Variants in PRKCQ observed in about 807,000 individuals in gnomAD.
PRKCQ encodes the protein protein kinase C theta type.
Under a neutral mutation model 91.2 loss-of-function variants are expected in PRKCQ, and 41 were observed. That is an observed-to-expected ratio of 0.45 (90% CI 0.35 to 0.58). The LOEUF (loss-of-function observed/expected upper bound fraction) is 0.58. Ranked by LOEUF, PRKCQ falls within the 20% of genes least tolerant of loss-of-function variation. The pLI is 0.00. For synonymous variants in PRKCQ, 307 were observed against 316.9 expected (o/e 0.97, Z 0.33); for missense variants, 673 against 896.5 (o/e 0.75, Z 3.18).
intron 7 of PRKCQ, among the ~76,000 whole-genome samples, chr10:6,494,831 C>T (rs1837505652): frequency 6.6e-6 from 1 of 152,126 alleles, no homozygotes; most frequent in Non-Finnish European, 1.5e-5. Context: ...GGCCCTTGTC[C>T]CAGAGGAATT....
At chr10:6,534,883 G>C (rs1839521536) in intron 1 of PRKCQ, among the ~76,000 whole-genome samples, 1 of 150,634 alleles carries the variant, frequency 6.6e-6, no homozygotes, top group African/African-American at 2.4e-5. Context: ...TCAGTATACT[G>C]GATATTAGTT....
In PRKCQ at chr10:6,448,401, G is replaced by A. The variant is rs1281094461; in HGVS notation, c.1648-6320C>T. On this transcript the variant is annotated intron_variant, in intron 15 of 17. Coordinates refer to ENST00000263125, the MANE Select transcript of PRKCQ (RefSeq NM_006257.5). ...AGAGGCACAGTGTGGCCTGGCCAGG[G>A]AAGGTAGCACTTAATTTTTTTTTTT... is the stretch of plus-strand genomic sequence containing the variant. Among the ~76,000 whole-genome samples the A allele has an allele frequency of 2.7e-5, 4 of 145,580 alleles. No homozygotes were observed. The Admixed American group carries it at 2.8e-4, about 10-fold the overall frequency.
chr10:6,566,362 T>C (rs990491567), intron 1 of PRKCQ, among the ~76,000 whole-genome samples: 2 of 152,158 alleles, frequency 1.3e-5, no homozygotes, highest in East Asian at 1.9e-4. Flanking sequence ...TTGAAATGTA[T>C]CCACTTCTTT....
Position 6,491,885 on chromosome 10 carries a change from A to G in PRKCQ, c.661-73T>C. 3 of 1,574,362 alleles carry G rather than the reference A, an allele frequency of 1.9e-6. No homozygotes were observed. In the South Asian group the frequency reaches 3.4e-5, roughly 18 times the overall value. On this transcript the variant is annotated intron_variant, in intron 7 of 17. Coordinates refer to ENST00000263125, the MANE Select transcript of PRKCQ (RefSeq NM_006257.5). ...CTTTGGATGTTCTTGCAGATACCTT[A>G]GCATAACTAACAGAGATCATAATGA... is the stretch of plus-strand genomic sequence containing the variant.
intron 1 of PRKCQ, among the ~76,000 whole-genome samples, chr10:6,552,134 T>A (rs891382614): frequency 1.3e-5 from 2 of 152,236 alleles, no homozygotes; most frequent in African/African-American, 4.8e-5. Context: ...AGGAAATGTC[T>A]ACTCAAGTCT....
chr10:6,555,596 G>A (rs1840378955), intron 1 of PRKCQ, among the ~76,000 whole-genome samples: 1 of 152,060 alleles, frequency 6.6e-6, no homozygotes, highest in South Asian at 2.1e-4. Flanking sequence ...GATTTAGAGA[G>A]GTTCAAAGCT....
intron 7 of PRKCQ, among the ~76,000 whole-genome samples, chr10:6,493,882 A>T (rs1406327856): frequency 6.6e-6 from 1 of 152,148 alleles, no homozygotes; most frequent in Non-Finnish European, 1.5e-5. Context: ...GTTAGGAGAA[A>T]TTCTACTCTG....
chr10:6,525,352 C>T (rs1051452911), intron 1 of PRKCQ, among the ~76,000 whole-genome samples: 4 of 152,060 alleles, frequency 2.6e-5, no homozygotes, highest in African/African-American at 9.7e-5. Flanking sequence ...CCAAGACAGG[C>T]GGATCACCTG....
chr10:6,510,941 C>A, intron 3 of PRKCQ, 54 bp downstream of exon 3: 2 of 1,601,600 alleles, frequency 1.2e-6, no homozygotes, highest in South Asian at 2.2e-5. Flanking sequence ...CTGAGCCAGT[C>A]ATCGGCTACC....
In PRKCQ at chr10:6,430,956, AG is replaced by A; in HGVS notation, c.1837-19del. 6.2e-7 allele frequency: 1 copy of A among 1,612,482 alleles called. No homozygotes were observed. Among genetic ancestry groups the A allele is most frequent in the Non-Finnish European group, 8.5e-7 (1 of 1,179,192 alleles). On this transcript the variant is annotated intron_variant, in intron 16 of 17. Transcript: ENST00000263125. The surrounding 1 kb of genome is among the most constrained non-coding windows in gnomAD (Gnocchi z 4.7). The stretch of plus-strand genomic sequence containing the variant: ...ACGAAGAGCTGAAAGGGAGCAGAGC[AG>A]GAGCCCTGAGGTCTCCAGGGATGAC...
chr10:6,494,966 T>G (rs1423696561), intron 7 of PRKCQ, among the ~76,000 whole-genome samples: 1 of 152,200 alleles, frequency 6.6e-6, no homozygotes, highest in Non-Finnish European at 1.5e-5. Flanking sequence ...GTGGCTCTGT[T>G]ATCTACCACA....
chr10:6,429,129 G>T (rs1195225003), intron 17 of PRKCQ, among the ~76,000 whole-genome samples: 5 of 152,172 alleles, frequency 3.3e-5, no homozygotes, highest in Admixed American at 3.3e-4. Context: ...CCCTCCAAGG[G>T]GCCCTGGGGC....
At chr10:6,405,619 G>A in the PRKCQ span, among the ~76,000 whole-genome samples, 1 of 152,214 alleles carries the variant, frequency 6.6e-6, no homozygotes, top group African/African-American at 2.4e-5. Flanking sequence ...GGAATGGGAA[G>A]GTGGATATTT....
Position 6,428,172 on chromosome 10 carries a change from A to G in PRKCQ, c.*35T>C, listed in dbSNP as rs1833215661. 6.2e-7 allele frequency: 1 copy of G among 1,613,564 alleles called. No homozygotes were observed. The highest frequency in any genetic ancestry group is 1.7e-5 in the Admixed American group (1 of 59,984). ...TCTCTTGAACCAGTTCCCAGGGAGA[A>G]GGCAAATTCTTTCCTGTCTCTGGAG... On this transcript the variant is annotated 3_prime_UTR_variant, in exon 18 of 18. Coordinates refer to ENST00000263125, the MANE Select transcript of PRKCQ (RefSeq NM_006257.5).
chr10:6,446,850 G>A (rs1433103961), intron 15 of PRKCQ, among the ~76,000 whole-genome samples: 3 of 152,206 alleles, frequency 2.0e-5, no homozygotes, highest in East Asian at 1.9e-4. Flanking sequence ...GGAAAGCAGC[G>A]AGAGAGGAAC....
chr10:6,442,074 A>T lies in PRKCQ; in HGVS notation c.1655T>A (p.Leu552Gln). The change falls in exon 16 of 18, where the codon CTG (leucine) becomes CAG (glutamine). Residue 552 changes from leucine to glutamine, a missense_variant. Physicochemically the swap from Leu to Gln is moderately radical, Grantham distance 113. Coordinates refer to ENST00000263125, the MANE Select transcript of PRKCQ (RefSeq NM_006257.5). ...CACAGAGTGGTTGTATTTCTGACCC[A>T]GCAAGATCTGCACAACCAAAAGGCA... ...TPDYIAPEIL[L>Q]GQKYNHSVDW... The T allele has an allele frequency of 1.9e-6, 3 of 1,611,418 alleles. No individual in the cohort carries two copies. The highest frequency in any genetic ancestry group is 2.5e-6 in the Non-Finnish European group (3 of 1,177,742).
chr10:6,552,985 A>C (rs1840250305), intron 1 of PRKCQ, among the ~76,000 whole-genome samples: 1 of 152,134 alleles, frequency 6.6e-6, no homozygotes, highest in Non-Finnish European at 1.5e-5. Flanking sequence ...CAAAGCAAAA[A>C]ACATTGAAAA....
At chr10:6,463,404 T>C (rs369657523) in intron 13 of PRKCQ, among the ~76,000 whole-genome samples, 2 of 152,118 alleles carry the variant, frequency 1.3e-5, no homozygotes, top group Admixed American at 6.6e-5. Flanking sequence ...GAGACGACAG[T>C]GGACTAAGTG....
intron 3 of PRKCQ, among the ~76,000 whole-genome samples, chr10:6,509,343 G>C (rs1326560954): frequency 6.6e-6 from 1 of 152,132 alleles, no homozygotes; most frequent in Non-Finnish European, 1.5e-5. Context: ...TTCATTAATT[G>C]AGAAGGAAAC....
Sources: gnomAD v4.1 joint callset for allele counts (sites outside exome capture counted in the v4.1 genomes callset) on GRCh38, gnomAD v4.1.1 for gene constraint, Gnocchi (gnomAD v3.1) non-coding constraint, MANE v1.5 for transcripts, NCBI Gene and HGNC (gene_info 2026-07-23, HGNC 2026-07-21) for gene names.